The following WNT10B variants were observed in gnomAD, a reference collection of about 807,000 sequenced individuals.
The protein encoded by WNT10B is protein Wnt-10b.
A neutral mutation model predicts 32.7 loss-of-function variants in WNT10B; 26 were observed. The ratio of observed to expected loss-of-function variants is 0.79; its 90% CI spans 0.58 to 1.10. The LOEUF (loss-of-function observed/expected upper bound fraction) is 1.10. Among genes scored for constraint, WNT10B ranks in the 50% least tolerant of loss-of-function variants. WNT10B has a pLI of 0.00. For synonymous variants in WNT10B, 204 were observed against 220.4 expected, an observed-to-expected ratio of 0.93 and a Z score of 0.66; for missense variants, 474 against 532.5, an observed-to-expected ratio of 0.89 and a Z score of 1.08.
At chr12:48,969,020 C>G (rs749856291) in intron 3 of WNT10B, 68 of 466,908 alleles carry the variant, frequency 1.5e-4, no homozygotes, top group Non-Finnish European at 2.8e-4. Flanking sequence ...CCCTAAGGCC[C>G]TCTTAAAAGG....
intron 1 of WNT10B, among the ~76,000 whole-genome samples, chr12:48,971,231 G>T (rs1364070870): frequency 2.6e-5 from 4 of 152,046 alleles, no homozygotes; most frequent in South Asian, 2.1e-4. Context: ...CTCCATAGTC[G>T]CCCGTCTGGT....
chr12:48,968,148 C>T lies in WNT10B; in HGVS notation c.509G>A (p.Gly170Asp), dbSNP rs1940777608. The T allele has an allele frequency of 6.2e-7, 1 of 1,614,230 alleles. No individual in the cohort carries two copies. The highest frequency in any genetic ancestry group is 1.3e-5 in the African/African-American group (1 of 75,076). Residue 170 changes from glycine to aspartate, a missense_variant, in exon 4 of 5, where the codon GGC becomes GAC. By Grantham distance (94) the Gly-to-Asp change is moderately conservative (BLOSUM62 -1). Coordinates refer to ENST00000301061, the MANE Select transcript of WNT10B (RefSeq NM_003394.4). ...GGGCAGAGAGTGGGGGAAACTCTTG[C>T]CTCGGGACAGTGCCTGCAGCTGCAG... ...KLLQLQALSR[G>D]KSFPHSLPSP...
Position 48,969,598 on chromosome 12 carries a change from G to A in WNT10B, c.337+491C>T, listed in dbSNP as rs141101720. 3.4e-3 allele frequency among the ~76,000 whole-genome samples: 519 copies of A among 152,244 alleles called. 2 individuals carry two copies. The highest frequency in any genetic ancestry group is 0.029 in the South Asian group (139 of 4,826). On this transcript the variant is annotated intron_variant, in intron 3 of 4. Coordinates refer to ENST00000301061, the MANE Select transcript of WNT10B (RefSeq NM_003394.4). Reference sequence around the variant, plus strand: ...GGCTCCCCAGCTTCAAAGTCATCAGGGTCTTTGTTCCCAGCTTTGGCTCCT... The same window carrying A: ...GGCTCCCCAGCTTCAAAGTCATCAGAGTCTTTGTTCCCAGCTTTGGCTCCT...
chr12:48,966,205 T>C lies in WNT10B; in HGVS notation c.1060A>G (p.Asn354Asp). Residue 354 changes from asparagine (N) to aspartate (D), a missense_variant, in exon 5 of 5, where the codon AAC becomes GAC. Coordinates refer to ENST00000301061, the MANE Select transcript of WNT10B (RefSeq NM_003394.4). ...TCAACTCGTGTCTGCCGGAGCACGT[T>C]GTGCCCACGGCCACAGCACAGGCTG... ...CGSLCCGRGH[N>D]VLRQTRVERC... 1 of 1,613,884 alleles carries C rather than the reference T, an allele frequency of 6.2e-7. No homozygotes were observed.
In WNT10B at chr12:48,970,540, G is replaced by C; in HGVS notation, c.-11C>G. On this transcript the variant is annotated 5_prime_UTR_variant, in exon 2 of 5. Transcript: ENST00000301061. This position sits in a 1 kb window ranked among gnomAD's most constrained non-coding sequence, Gnocchi z 5.0. ...GGGCTCCTCCAGCATGTCGAAGCCC[G>C]GAGGCTCCGGTGGGCAGATCGATCA... The C allele has an allele frequency of 1.3e-6, 2 of 1,568,976 alleles. No homozygotes were observed. Among genetic ancestry groups the C allele is most frequent in the Non-Finnish European group, 1.7e-6 (2 of 1,156,586 alleles).
intron 3 of WNT10B, chr12:48,969,036 T>C (rs536887005): frequency 5.5e-5 from 26 of 468,496 alleles, no homozygotes; most frequent in South Asian, 4.1e-4. Flanking sequence ...AAAGGTTGGC[T>C]TCTTTGTTAT....
rs1940838731 is a variant in WNT10B at position 48,970,676 on chromosome 12, CCCTTCTCATT to C, written c.-40-117_-40-108del. 1 of 774,514 alleles carries C rather than the reference CCCTTCTCATT, an allele frequency of 1.3e-6. No homozygotes were observed. Among genetic ancestry groups the C allele is most frequent in the South Asian group, 1.7e-5 (1 of 58,316 alleles). The allele number at this position is 774,514 out of a possible 1,614,324, so 48.0% of individuals were successfully genotyped here. On this transcript the variant is annotated intron_variant, in intron 1 of 4. Coordinates refer to ENST00000301061, the MANE Select transcript of WNT10B (RefSeq NM_003394.4). The surrounding 1 kb of genome is among the most constrained non-coding windows in gnomAD (Gnocchi z 5.0). Reference sequence around the variant, plus strand: ...TAACCCACCGGTGCCACCCTACTGACCCTTCTCATTCCTCCTCAAACAAAACAAGAAGAAA... The same window carrying C: ...TAACCCACCGGTGCCACCCTACTGACCCTCCTCAAACAAAACAAGAAGAAA...
rs756615718 is a variant in WNT10B, at chr12:48,968,266, C to T, written c.391G>A (p.Ala131Thr). ...FSMLAAGVMH[A>T]VATACSLGKL... The stretch of plus-strand genomic sequence containing the variant: ...CCCAGGCTGCAGGCCGTGGCTACTG[C>T]GTGCATGACCCCAGCAGCCAGCATG... The change falls in exon 4 of 5, where the codon GCA becomes ACA. Residue 131 changes from alanine to threonine, a missense_variant. By Grantham distance (58) the Ala-to-Thr change is moderately conservative. Transcript: ENST00000301061. 20 of 1,607,296 alleles carry T rather than the reference C, an allele frequency of 1.2e-5. No individual in the cohort carries two copies. In the Admixed American group the frequency reaches 1.8e-4, roughly 15 times the overall value.
intron 4 of WNT10B, among the ~76,000 whole-genome samples, chr12:48,966,757 T>A (rs1449996595): frequency 6.6e-6 from 1 of 152,150 alleles, no homozygotes; most frequent in Non-Finnish European, 1.5e-5. Flanking sequence ...GACAGAGCAG[T>A]GTGATTTGTC....
In WNT10B at chr12:48,966,014, T is replaced by C; in HGVS notation, c.*81A>G. 3 of 1,548,496 alleles carry C rather than the reference T, an allele frequency of 1.9e-6. No homozygotes were observed. Among genetic ancestry groups the C allele is most frequent in the Non-Finnish European group, 1.8e-6 (2 of 1,135,496 alleles). On this transcript the variant is annotated 3_prime_UTR_variant, in exon 5 of 5. Transcript: ENST00000301061. ...AGCTTCCAGGGACCAAGAGTGACCT[T>C]GGAAGGAAATCAGAGCAAAGGGCTG...
chr12:48,968,791 T>TG (rs1055765156), intron 3 of WNT10B, among the ~76,000 whole-genome samples: 1 of 151,376 alleles, frequency 6.6e-6, no homozygotes, highest in Non-Finnish European at 1.5e-5. Context: ...TTTTTTTGTT[T>TG]TTTTTTTTTT....
At chr12:48,971,110 C>T (rs779487481) in intron 1 of WNT10B, among the ~76,000 whole-genome samples, 10 of 152,102 alleles carry the variant, frequency 6.6e-5, no homozygotes, top group Non-Finnish European at 1.3e-4. Context: ...AGGAGAGGCT[C>T]CAGGTGCAGG....
chr12:48,970,622 G>A lies in WNT10B; in HGVS notation c.-40-53C>T. On this transcript the variant is annotated intron_variant, in intron 1 of 4. Transcript: ENST00000301061. The surrounding 1 kb of genome is among the most constrained non-coding windows in gnomAD (Gnocchi z 5.0). ...TCAGGAATAGGGCGGCTCGCTTGGG[G>A]AACCAAGTGACGCCCTTCTTCGGGC... 2 of 1,422,026 alleles carry A rather than the reference G, an allele frequency of 1.4e-6. No homozygotes were observed. Among genetic ancestry groups the A allele is most frequent in the Non-Finnish European group, 1.9e-6 (2 of 1,034,098 alleles). The allele number at this position is 1,422,026 out of a possible 1,614,324, so 88.1% of individuals were successfully genotyped here. A position where few individuals can be genotyped will look rare whatever the true frequency, so the allele number is the denominator to read the frequency against.
intron 3 of WNT10B, 61 bp from the exon 4 acceptor site, chr12:48,968,380 G>C: frequency 6.3e-7 from 1 of 1,597,034 alleles, no homozygotes; most frequent in Non-Finnish European, 8.5e-7. Context: ...GAGTGTGGAG[G>C]CAGAAAGAAA....
chr12:48,966,020 G>A lies in WNT10B; in HGVS notation c.*75C>T. ...CAGGGACCAAGAGTGACCTTGGAAG[G>A]AAATCAGAGCAAAGGGCTGAAAAGG... On this transcript the variant is annotated 3_prime_UTR_variant, in exon 5 of 5. Transcript: ENST00000301061. The A allele has an allele frequency of 6.4e-7, 1 of 1,562,854 alleles. No individual in the cohort carries two copies. The highest frequency in any genetic ancestry group is 8.7e-7 in the Non-Finnish European group (1 of 1,145,306).
At chr12:48,967,075 C>T (rs1185963212) in intron 4 of WNT10B, among the ~76,000 whole-genome samples, 2 of 152,190 alleles carry the variant, frequency 1.3e-5, no homozygotes, top group African/African-American at 4.8e-5. Context: ...ACTGCAACCT[C>T]CGCCTCCCAG....
Position 48,970,071 on chromosome 12 carries a change from C to T in WNT10B, c.337+18G>A, listed in dbSNP as rs1369007592. ...CCCTAGCCTCCGCGGCAGCGCCGAC[C>T]CGCCCAGCCAGGCTCACCGCGCTTG... is the stretch of plus-strand genomic sequence containing the variant. On this transcript the variant is annotated intron_variant, in intron 3 of 4. Coordinates refer to ENST00000301061, the MANE Select transcript of WNT10B (RefSeq NM_003394.4). This position sits in a 1 kb window ranked among gnomAD's most constrained non-coding sequence, Gnocchi z 5.0. 3 of 1,496,366 alleles carry T rather than the reference C, an allele frequency of 2.0e-6. No homozygotes were observed. Among genetic ancestry groups the T allele is most frequent in the African/African-American group, 1.4e-5 (1 of 70,946 alleles). The allele number at this position is 1,496,366 out of a possible 1,614,324, so 92.7% of individuals were successfully genotyped here. A position where few individuals can be genotyped will look rare whatever the true frequency, so the allele number is the denominator to read the frequency against.
In WNT10B at chr12:48,967,951, G is replaced by A. The variant is rs536694627; in HGVS notation, c.706C>T (p.Arg236Cys). ...GACAAGATGTACACACATACCTGGC[G>A]CCCCACCCTGTTGTTGTGGATTCGC... ...RMRIHNNRVGRQVVTENLKRK... is the reference protein window; with the variant it reads ...RMRIHNNRVGCQVVTENLKRK... The change falls in exon 4 of 5, where the codon CGC (arginine) becomes TGC (cysteine). Residue 236 changes from arginine to cysteine, a missense_variant. Arg to Cys is a radical substitution (Grantham distance 180, BLOSUM62 -3). Transcript: ENST00000301061. 1.5e-5 allele frequency: 24 copies of A among 1,614,162 alleles called. No individual in the cohort carries two copies. Among genetic ancestry groups the A allele is most frequent in the Middle Eastern group, 1.6e-4 (1 of 6,062 alleles).
At chr12:48,969,068 C>A (rs1253161437) in intron 3 of WNT10B, 2 of 470,720 alleles carry the variant, frequency 4.2e-6, no homozygotes, top group Non-Finnish European at 4.4e-6. Flanking sequence ...CACAGAAGCT[C>A]AGGCTGCCAA....
Sources: allele counts gnomAD v4.1 joint callset (sites outside exome capture counted in the v4.1 genomes callset), GRCh38; gene constraint gnomAD v4.1.1; non-coding constraint Gnocchi (gnomAD v3.1); transcripts MANE v1.5; gene names NCBI Gene and HGNC (gene_info 2026-07-23, HGNC 2026-07-21).